Variants in ARFGEF1 observed in about 807,000 individuals in gnomAD.
ARFGEF1 encodes the protein brefeldin A-inhibited guanine nucleotide-exchange protein 1.
A neutral mutation model predicts 231.0 loss-of-function variants in ARFGEF1; 42 were observed. The observed-to-expected ratio is 0.18, with a 90% CI of 0.14 to 0.24. The LOEUF (loss-of-function observed/expected upper bound fraction) is 0.24, where lower values mean the gene tolerates loss of function less well. Ranked by LOEUF, ARFGEF1 falls within the 10% of genes least tolerant of loss-of-function variation. The pLI is 1.00. For synonymous variants in ARFGEF1, 710 were observed against 732.3 expected (o/e 0.97, Z 0.49); for missense variants, 1,345 against 2,192.0 (o/e 0.61, Z 7.72).
intron 10 of ARFGEF1, among the ~76,000 whole-genome samples, chr8:67,270,814 C>T (rs1448288253): frequency 4.6e-5 from 7 of 150,696 alleles, no homozygotes; most frequent in Admixed American, 2.6e-4. Flanking sequence ...CACCTGAGGT[C>T]GGGAGTTTGA....
intron 22 of ARFGEF1, among the ~76,000 whole-genome samples, chr8:67,233,973 A>C (rs1252572679): frequency 2.6e-5 from 4 of 152,096 alleles, no homozygotes; most frequent in African/African-American, 9.7e-5. Context: ...GTTGCATATA[A>C]ATTATTTCAG....
intron 14 of ARFGEF1, among the ~76,000 whole-genome samples, 153 bp downstream of exon 14, chr8:67,265,853 G>A (rs917808727): frequency 1.3e-5 from 2 of 152,198 alleles, no homozygotes; most frequent in Middle Eastern, 3.4e-3. Context: ...AGACTGCAAT[G>A]AACAAGGGGG....
In ARFGEF1 at chr8:67,251,444, G is replaced by A; in HGVS notation, c.2705C>T (p.Ala902Val). The A allele has an allele frequency of 6.3e-7, 1 of 1,598,588 alleles. No individual in the cohort carries two copies. The highest frequency in any genetic ancestry group is 8.5e-7 in the Non-Finnish European group (1 of 1,173,510). Residue 902 changes from alanine (A) to valine (V), a missense_variant, in exon 19 of 39, where the codon GCC becomes GTC. By Grantham distance (64) the Ala-to-Val change is moderately conservative. Around this residue, in one of 14 missense-constraint regions of ARFGEF1, gnomAD observed 23 missense variants for 21.6 expected, o/e 1.07. Coordinates refer to ENST00000262215, the MANE Select transcript of ARFGEF1 (RefSeq NM_006421.5). ...IPTKSSKQNVASEKQRRLLYN... is the reference protein window; with the variant it reads ...IPTKSSKQNVVSEKQRRLLYN... ...CAGAAGTCTTCTTTGTTTTTCACTG[G>A]CTACATCTGAAACAATAAACACTAT...
chr8:67,270,056 A>G (rs1805012404), intron 10 of ARFGEF1, among the ~76,000 whole-genome samples: 1 of 152,238 alleles, frequency 6.6e-6, no homozygotes, highest in Non-Finnish European at 1.5e-5. Context: ...ATGTCTCATC[A>G]TCAGATGAAA....
At position 67,227,678 on chromosome 8, in the gene ARFGEF1, A is replaced by G. The variant is rs962649745; in HGVS notation, c.3592-80T>C. 2.0e-6 allele frequency: 3 copies of G among 1,469,208 alleles called. No individual in the cohort carries two copies. The South Asian group carries it at 3.7e-5, about 18-fold the overall frequency. 91.0% of individuals were successfully genotyped at this position (1,469,208 alleles called of 1,614,324 possible). A position where few individuals can be genotyped will look rare whatever the true frequency, so the allele number is the denominator to read the frequency against. On this transcript the variant is annotated intron_variant, in intron 25 of 38. Coordinates refer to ENST00000262215, the MANE Select transcript of ARFGEF1 (RefSeq NM_006421.5). ...CAATTCTTTATTTTTTGTTTTAGAA[A>G]AAGTATAGAATAGCATAGATAGGTA...
chr8:67,283,043 A>G (rs1313326377), intron 7 of ARFGEF1, among the ~76,000 whole-genome samples: 1 of 152,118 alleles, frequency 6.6e-6, no homozygotes, highest in African/African-American at 2.4e-5. Flanking sequence ...TCAAAAAAAG[A>G]TAAGTAGTCC....
At position 67,225,025 on chromosome 8, in the gene ARFGEF1, C is replaced by T. The variant is rs375500788; in HGVS notation, c.4086G>A (p.Lys1362=). ...KYVSDRPQAF[K]EYTSDDMNVA... is the part of the protein sequence containing the mutation. Reference sequence around the variant, plus strand: ...CGTTCATATCATCGCTTGTGTATTCCTTGAAAGCCTTCAAGAAAAAAGGTA... The same window carrying T: ...CGTTCATATCATCGCTTGTGTATTCTTTGAAAGCCTTCAAGAAAAAAGGTA... Residue 1362 remains lysine (K), a synonymous_variant, in exon 29 of 39, where the codon AAG becomes AAA. Transcript: ENST00000262215. The T allele has an allele frequency of 4.5e-5, 72 of 1,591,978 alleles. No homozygotes were observed. Among genetic ancestry groups the T allele is most frequent in the Non-Finnish European group, 6.0e-5 (70 of 1,170,824 alleles).
rs1805108366 is a variant in ARFGEF1 at position 67,271,699 on chromosome 8, T to C, written c.1572+3A>G. 1 of 1,589,106 alleles carries C rather than the reference T, an allele frequency of 6.3e-7. No individual in the cohort carries two copies. Among genetic ancestry groups the C allele is most frequent in the South Asian group, 1.1e-5 (1 of 89,120 alleles). ...TAACATTATGCCTAAATGCAAAACG[T>C]ACCTCAATTTGCATCTTCAGATGTG... is the stretch of plus-strand genomic sequence containing the variant. On this transcript the variant is annotated splice_donor_region_variant and intron_variant, in intron 10 of 38. Coordinates refer to ENST00000262215, the MANE Select transcript of ARFGEF1 (RefSeq NM_006421.5).
chr8:67,274,337 AT>A, intron 9 of ARFGEF1, among the ~76,000 whole-genome samples: 1 of 152,016 alleles, frequency 6.6e-6, no homozygotes, highest in South Asian at 2.1e-4. Context: ...AAAAAAAAAA[AT>A]CATTAAAAAC....
chr8:67,182,441 A>G (rs1833289531), intron 5 of ARFGEF1, among the ~76,000 whole-genome samples: 2 of 152,138 alleles, frequency 1.3e-5, no homozygotes, highest in Admixed American at 1.3e-4. Context: ...TAATGCTCCT[A>G]TGAATAGGTG....
At chr8:67,339,425 A>T (rs772079379) in intron 1 of ARFGEF1, among the ~76,000 whole-genome samples, 25 of 152,218 alleles carry the variant, frequency 1.6e-4, no homozygotes, top group Non-Finnish European at 2.1e-4. Context: ...GATGTCAGAA[A>T]GCATAAGCTG....
At chr8:67,240,095 T>G in intron 20 of ARFGEF1, 67 bp downstream of exon 20, 1 of 1,555,406 alleles carries the variant, frequency 6.4e-7, no homozygotes, top group Non-Finnish European at 8.7e-7. Context: ...TATTGTAATT[T>G]AAACTATTGT....
At position 67,198,451 on chromosome 8, in the gene ARFGEF1, C is replaced by T. The variant is rs2129577075; in HGVS notation, c.*483G>A. ...CAGTATCTCAGATAGCCTGAGTGTG[C>T]AAAAATCTTCAGAATAAGAATACCA... On this transcript the variant is annotated 3_prime_UTR_variant, in exon 39 of 39. Coordinates refer to ENST00000262215, the MANE Select transcript of ARFGEF1 (RefSeq NM_006421.5). 5 of 986,888 alleles carry T rather than the reference C, an allele frequency of 5.1e-6. No homozygotes were observed. The highest frequency in any genetic ancestry group is 6.0e-6 in the Non-Finnish European group (5 of 830,798). The allele number at this position is 986,888 out of a possible 1,614,324, so 61.1% of individuals were successfully genotyped here.
chr8:67,198,096 A>G lies in ARFGEF1; in HGVS notation c.*838T>C, dbSNP rs940735699. The G allele has an allele frequency of 4.1e-6, 4 of 985,734 alleles. No homozygotes were observed. Among genetic ancestry groups the G allele is most frequent in the Non-Finnish European group, 4.8e-6 (4 of 829,936 alleles). The allele number at this position is 985,734 out of a possible 1,614,324, so 61.1% of individuals were successfully genotyped here. A position where few individuals can be genotyped will look rare whatever the true frequency, so the allele number is the denominator to read the frequency against. ...CATTCTATTTTAATGGCTCATCTTT[A>G]AAAGTCCTAAGAGAAATATGTGACA... On this transcript the variant is annotated 3_prime_UTR_variant, in exon 39 of 39. Transcript: ENST00000262215.
At chr8:67,339,669 T>C (rs1267671228) in intron 1 of ARFGEF1, among the ~76,000 whole-genome samples, 4 of 151,010 alleles carry the variant, frequency 2.6e-5, no homozygotes, top group African/African-American at 9.7e-5. Flanking sequence ...CAGGCTAAGC[T>C]AGGGCAGCCT....
chr8:67,214,412 T>C (rs974314719), intron 33 of ARFGEF1, among the ~76,000 whole-genome samples: 1 of 152,192 alleles, frequency 6.6e-6, no homozygotes, highest in East Asian at 1.9e-4. Flanking sequence ...CCTTGCTGTT[T>C]ATAGTACAAT....
At chr8:67,236,362 AAAAATATAT>A (rs1254325919) in intron 22 of ARFGEF1, among the ~76,000 whole-genome samples, 1 of 41,758 alleles carries the variant, frequency 2.4e-5, no homozygotes, top group African/African-American at 1.2e-4. Context: ...AAAAAAAAAA[AAAAATATAT>A]ATATATATAT....
At chr8:67,177,820 C>G in intron 5 of ARFGEF1, 1 of 886,090 alleles carries the variant, frequency 1.1e-6, no homozygotes, top group Non-Finnish European at 1.9e-6. Flanking sequence ...TTGAATTATT[C>G]AGGAATATTG....
intron 34 of ARFGEF1, 34 bp from the exon 35 acceptor site, chr8:67,204,853 CA>C (rs1347355443): frequency 6.2e-7 from 1 of 1,606,022 alleles, no homozygotes; most frequent in Non-Finnish European, 8.5e-7. Flanking sequence ...CACATGCAAA[CA>C]AAAAATTATT....
Sources: gnomAD v4.1 joint callset for allele counts (sites outside exome capture counted in the v4.1 genomes callset) on GRCh38, gnomAD v4.1.1 for gene constraint, gnomAD v4.1.1 regional missense constraint, MANE v1.5 for transcripts, NCBI Gene and HGNC (gene_info 2026-07-23, HGNC 2026-07-21) for gene names.